ABCE1: variants seen among roughly 807,000 people sequenced by gnomAD.
The protein encoded by ABCE1 is ATP binding cassette subfamily E member 1, also known as ATP-binding cassette sub-family E member 1.
ABCE1 carries 22 observed loss-of-function variants against 83.4 expected under a neutral mutation model. The ratio of observed to expected loss-of-function variants is 0.26; its 90% confidence interval spans 0.19 to 0.38. The LOEUF (loss-of-function observed/expected upper bound fraction) is 0.38, where lower values mean the gene tolerates loss of function less well. Among genes scored for constraint, ABCE1 ranks in the 10% least tolerant of loss-of-function variants. The pLI, the probability that ABCE1 is intolerant of heterozygous loss-of-function variation, is 1.00. For missense variants in ABCE1, 330 were observed against 721.9 expected, an observed-to-expected ratio of 0.46 and a Z score of 6.22; for synonymous variants, 204 against 233.7, an observed-to-expected ratio of 0.87 and a Z score of 1.16.
At chr4:145,106,952 T>C (rs1311461628) in intron 3 of ABCE1, among the ~76,000 whole-genome samples, 1 of 152,118 alleles carries the variant, frequency 6.6e-6, no homozygotes, top group Non-Finnish European at 1.5e-5. Flanking sequence ...AAACTTAGAA[T>C]TGGTCCCCTA....
chr4:145,111,720 C>T (rs758964265), intron 8 of ABCE1, among the ~76,000 whole-genome samples: 8 of 152,180 alleles, frequency 5.3e-5, no homozygotes, highest in Non-Finnish European at 1.2e-4. Context: ...TTTTAAATCA[C>T]TGTAGATCAC....
At chr4:145,114,541 A>G (rs143327350) in intron 9 of ABCE1, among the ~76,000 whole-genome samples, 9 of 152,248 alleles carry the variant, frequency 5.9e-5, no homozygotes, top group Non-Finnish European at 1.0e-4. Context: ...ACACATCACT[A>G]GAAAACAAGG....
In ABCE1 at chr4:145,120,061, C is replaced by G; in HGVS notation, c.1052C>G (p.Pro351Arg). 6.2e-7 allele frequency: 1 copy of G among 1,611,608 alleles called. No homozygotes were observed. The highest frequency in any genetic ancestry group is 8.5e-7 in the Non-Finnish European group (1 of 1,179,002). ...EVKKMCMYKY[P>R]GMKKKMGEFE... ...AAAAAGATGTGTATGTATAAATATC[C>G]AGGAATGAAGAAAAAAATGGGAGAA... Residue 351 changes from proline to arginine, a missense_variant, in exon 11 of 18, where the codon CCA becomes CGA. Transcript: ENST00000296577.
Position 145,108,111 on chromosome 4 carries a change from A to C in ABCE1, c.286A>C (p.Arg96=). The C allele has an allele frequency of 6.2e-7, 1 of 1,611,654 alleles. No homozygotes were observed. The highest frequency in any genetic ancestry group is 8.5e-7 in the Non-Finnish European group (1 of 1,178,326). The change falls in exon 4 of 18, where the codon AGG becomes CGG. Residue 96 remains arginine (R), a splice_region_variant and synonymous_variant. Coordinates refer to ENST00000296577, the MANE Select transcript of ABCE1 (RefSeq NM_002940.3). ...RYCANAFKLH[R]LPIPRPGEVL... is the part of the protein sequence containing the mutation. The stretch of plus-strand genomic sequence containing the variant: ...TTGTGCCAATGCCTTCAAACTTCAC[A>C]GGTATATTTTCACATCAGGATTCCT...
intron 8 of ABCE1, 84 bp downstream of exon 8, chr4:145,111,148 G>T (rs1016334936): frequency 5.6e-6 from 5 of 899,088 alleles, no homozygotes; most frequent in Non-Finnish European, 6.7e-6. Flanking sequence ...GAATGGTTTT[G>T]AGAGAAATTA....
At chr4:145,124,484 C>T (rs1749824242) in intron 16 of ABCE1, among the ~76,000 whole-genome samples, 1 of 151,884 alleles carries the variant, frequency 6.6e-6, no homozygotes, top group Non-Finnish European at 1.5e-5. Flanking sequence ...AAATGTTTCA[C>T]ATGTATGTTG....
intron 7 of ABCE1, 90 bp from the exon 8 acceptor site, chr4:145,110,878 G>A (rs909241057): frequency 1.1e-4 from 87 of 782,480 alleles, no homozygotes; most frequent in Middle Eastern, 3.9e-4. Context: ...AACTGAAATA[G>A]CATTCAAACT....
At chr4:145,122,035 G>T (rs1181039703) in intron 13 of ABCE1, 1 of 152,106 alleles carries the variant, frequency 6.6e-6, no homozygotes, top group Non-Finnish European at 1.5e-5. Context: ...TAAAGGACTT[G>T]TATCCAGCAT....
At chr4:145,125,292 ACCCCATCT>A (rs1356484914) in intron 17 of ABCE1, among the ~76,000 whole-genome samples, 191 bp downstream of exon 17, 2 of 152,066 alleles carry the variant, frequency 1.3e-5, no homozygotes, top group Non-Finnish European at 2.9e-5. Context: ...ACATGGTGCA[ACCCCATCT>A]CTACTAAAAA....
intron 2 of ABCE1, 23 bp from the exon 3 acceptor site, chr4:145,105,582 A>C (rs1487540076): frequency 6.6e-7 from 1 of 1,519,680 alleles, no homozygotes; most frequent in Admixed American, 1.7e-5. Flanking sequence ...GAAATGGCTT[A>C]ATTATATCTT....
chr4:145,107,949 C>A lies in ABCE1; in HGVS notation c.190-66C>A, dbSNP rs1749352650. 2.6e-6 allele frequency: 3 copies of A among 1,172,460 alleles called. No homozygotes were observed. The African/African-American group carries it at 4.8e-5, about 19-fold the overall frequency. 72.6% of individuals were successfully genotyped at this position (1,172,460 alleles called of 1,614,324 possible). ...GATTGCTTATAAAAATATTTTTAAT[C>A]CATTTTAGTTATGTGTATATGTCTA... On this transcript the variant is annotated intron_variant, in intron 3 of 17. Transcript: ENST00000296577.
chr4:145,121,250 T>G lies in ABCE1; in HGVS notation c.1204+17T>G, dbSNP rs1297912109. Reference sequence around the variant, plus strand: ...ATGAAGGAGGTACATTTGTAACTGTTGAGTCTTTTTACTCTGTTTTACACA... The same window carrying G: ...ATGAAGGAGGTACATTTGTAACTGTGGAGTCTTTTTACTCTGTTTTACACA... On this transcript the variant is annotated intron_variant, in intron 12 of 17. Transcript: ENST00000296577. The G allele has an allele frequency of 1.9e-6, 3 of 1,613,600 alleles. No individual in the cohort carries two copies. The South Asian group carries it at 3.3e-5, about 18-fold the overall frequency.
intron 4 of ABCE1, among the ~76,000 whole-genome samples, 183 bp from the exon 5 acceptor site, chr4:145,108,949 T>G (rs920955008): frequency 2.6e-5 from 4 of 152,252 alleles, no homozygotes; most frequent in African/African-American, 9.6e-5. Context: ...GCTGTTCTTT[T>G]TTCTAATAGC....
In ABCE1 at chr4:145,108,086, T is replaced by C; in HGVS notation, c.261T>C (p.Tyr87=). The C allele has an allele frequency of 1.9e-6, 3 of 1,613,598 alleles. No individual in the cohort carries two copies. Among genetic ancestry groups the C allele is most frequent in the Middle Eastern group, 1.7e-4 (1 of 6,054 alleles). The change falls in exon 4 of 18, where the codon TAT becomes TAC. Residue 87 remains tyrosine (Y), a synonymous_variant. Transcript: ENST00000296577. ...TGGAAAAAGAAACCACACATCGATA[T>C]TGTGCCAATGCCTTCAAACTTCACA... ...SNLEKETTHR[Y]CANAFKLHRL...
Position 145,110,632 on chromosome 4 carries a change from C to T in ABCE1, c.613+188C>T, listed in dbSNP as rs183424296. Among the ~76,000 whole-genome samples the T allele has an allele frequency of 9.9e-5, 15 of 152,232 alleles. No individual in the cohort carries two copies. In the East Asian group the frequency reaches 1.7e-3, roughly 18 times the overall value. ...CTGGGATTACAGGCATGTGCCACCA[C>T]GCCCAGCTAATTTTTTGTATTTTTA... On this transcript the variant is annotated intron_variant, in intron 7 of 17. Transcript: ENST00000296577.
At chr4:145,127,463 G>C (rs1367360324) in intron 17 of ABCE1, 63 bp from the exon 18 acceptor site, 1 of 1,410,540 alleles carries the variant, frequency 7.1e-7, no homozygotes, top group African/African-American at 1.5e-5. Context: ...ATGAGTGAAA[G>C]TCTACTTTTA....
chr4:145,098,429 T>G lies in ABCE1; in HGVS notation c.-28+10T>G, dbSNP rs899143307. On this transcript the variant is annotated intron_variant, in intron 1 of 17. Transcript: ENST00000296577. ...GGATCGTTTTCTCCAGGTACGTGAATAGCCCGGAGAGGTTTGGCCGTTAGC... is the reference window on the plus strand; with the variant it reads ...GGATCGTTTTCTCCAGGTACGTGAAGAGCCCGGAGAGGTTTGGCCGTTAGC... 6.6e-6 allele frequency: 1 copy of G among 152,500 alleles called. No individual in the cohort carries two copies. Among genetic ancestry groups the G allele is most frequent in the East Asian group, 1.9e-4 (1 of 5,190 alleles). 9.4% of individuals were successfully genotyped at this position (152,500 alleles called of 1,614,324 possible). A position where few individuals can be genotyped will look rare whatever the true frequency, so the allele number is the denominator to read the frequency against.
chr4:145,111,051 C>T lies in ABCE1; in HGVS notation c.697C>T (p.Gln233Ter). 1 of 1,610,236 alleles carries T rather than the reference C, an allele frequency of 6.2e-7. No individual in the cohort carries two copies. The highest frequency in any genetic ancestry group is 8.5e-7 in the Non-Finnish European group (1 of 1,178,146). The change falls in exon 8 of 18, where the codon CAG becomes TAG. Residue 233 changes from glutamine (Q) to a stop codon, truncating the protein, a stop_gained. Transcript: ENST00000296577. LOFTEE classifies it high-confidence loss of function. ...ATTTGCTTGTGCTGTCGTTTGCATA[C>T]AGAAAGCTGATATGTAGGTTACTTT... ...QRFACAVVCI[Q>*]KADIFMFDEP...
At chr4:145,109,523 A>C (rs1749403086) in intron 5 of ABCE1, among the ~76,000 whole-genome samples, 1 of 152,200 alleles carries the variant, frequency 6.6e-6, no homozygotes, top group Non-Finnish European at 1.5e-5. Flanking sequence ...TGTCCCAATA[A>C]TGTAAAAATA....
Sources: gnomAD v4.1 joint callset for allele counts (sites outside exome capture counted in the v4.1 genomes callset) on GRCh38, gnomAD v4.1.1 for gene constraint, MANE v1.5 for transcripts, NCBI Gene and HGNC (gene_info 2026-07-23, HGNC 2026-07-21) for gene names.